The following SPNS3 variants were observed in gnomAD, a reference collection of about 807,000 sequenced individuals.
SPNS3 encodes the protein SPNS lysolipid transporter 3, sphingosine-1-phosphate (putative).
A neutral mutation model predicts 54.4 loss-of-function variants in SPNS3; 51 were observed. The ratio of observed to expected loss-of-function variants is 0.94; its 90% confidence interval spans 0.75 to 1.18. The LOEUF is 1.18. Among genes scored for constraint, SPNS3 ranks in the 50% most tolerant of loss-of-function variants. The pLI is 0.00. For missense variants in SPNS3, 669 were observed against 677.4 expected, an observed-to-expected ratio of 0.99 and a Z score of 0.14; for synonymous variants, 309 against 294.7, an observed-to-expected ratio of 1.05 and a Z score of -0.50.
At chr17:4,470,204 G>A (rs943183903) in intron 8 of SPNS3, among the ~76,000 whole-genome samples, 3 of 152,004 alleles carry the variant, frequency 2.0e-5, no homozygotes, top group Non-Finnish European at 4.4e-5. Flanking sequence ...CGAGGTGGGC[G>A]GATCACTTGA....
At chr17:4,460,318 C>G (rs1185015159) in intron 8 of SPNS3, among the ~76,000 whole-genome samples, 1 of 152,008 alleles carries the variant, frequency 6.6e-6, no homozygotes, top group Non-Finnish European at 1.5e-5. Flanking sequence ...GTCCTTTATT[C>G]AATTTCTACA....
In SPNS3 at chr17:4,469,838, T is replaced by C. The variant is rs898958451; in HGVS notation, c.1114-8734T>C. 3.3e-5 allele frequency among the ~76,000 whole-genome samples: 5 copies of C among 152,092 alleles called. 1 individual carries two copies. The highest frequency in any genetic ancestry group is 1.2e-4 in the African/African-American group (5 of 41,392). ...CAAGGGTGGGACCAACAATTCACTG[T>C]ATCGTGTTGTATCAAATGACTTTTA... On this transcript the variant is annotated intron_variant, in intron 8 of 11. Transcript: ENST00000355530.
chr17:4,444,951 G>C (rs1970942729), intron 2 of SPNS3, 81 bp from the exon 3 acceptor site: 2 of 1,509,504 alleles, frequency 1.3e-6, no homozygotes, highest in Admixed American at 2.0e-5. Context: ...TCTGAGTCAG[G>C]CTCCTTCCCT....
intron 8 of SPNS3, among the ~76,000 whole-genome samples, chr17:4,458,642 T>G (rs1039046460): frequency 7.5e-6 from 1 of 133,546 alleles, no homozygotes; most frequent in African/African-American, 2.9e-5. Context: ...TCTTTCTTTC[T>G]TTCTTTCCTT....
At chr17:4,467,690 A>G (rs1971718937) in intron 8 of SPNS3, among the ~76,000 whole-genome samples, 1 of 152,192 alleles carries the variant, frequency 6.6e-6, no homozygotes, top group Non-Finnish European at 1.5e-5. Context: ...TTTATTTATG[A>G]CAGAATCTCG....
At chr17:4,444,391 A>ATT (rs568469565) in intron 2 of SPNS3, among the ~76,000 whole-genome samples, 3 of 143,308 alleles carry the variant, frequency 2.1e-5, no homozygotes, top group South Asian at 2.3e-4. Flanking sequence ...ATTTTTTTGT[A>ATT]TTTTTTTTTT....
chr17:4,433,958 G>A lies in SPNS3; in HGVS notation c.-10G>A, dbSNP rs1423100671. 2 of 1,516,048 alleles carry A rather than the reference G, an allele frequency of 1.3e-6. No homozygotes were observed. Among genetic ancestry groups the A allele is most frequent in the Admixed American group, 2.2e-5 (1 of 45,964 alleles). 93.9% of individuals were successfully genotyped at this position (1,516,048 alleles called of 1,614,324 possible). On this transcript the variant is annotated 5_prime_UTR_variant, in exon 1 of 12. Coordinates refer to ENST00000355530, the MANE Select transcript of SPNS3 (RefSeq NM_182538.5). Reference sequence around the variant, plus strand: ...TGGCGCCAGTCTCAGGCCAAGAGCTGCAGGCTGGCATGGCTGGGGGGATGT... The same window carrying A: ...TGGCGCCAGTCTCAGGCCAAGAGCTACAGGCTGGCATGGCTGGGGGGATGT...
chr17:4,472,774 C>CATTTTTT (rs1567572187), intron 8 of SPNS3, among the ~76,000 whole-genome samples: 12 of 50,970 alleles, frequency 2.4e-4, no homozygotes, highest in African/African-American at 1.1e-3. Flanking sequence ...GCTTGGCAGC[C>CATTTTTT]TTTTTTTTTT....
chr17:4,463,135 A>C (rs1971581540), intron 8 of SPNS3, among the ~76,000 whole-genome samples: 1 of 152,248 alleles, frequency 6.6e-6, no homozygotes, highest in Non-Finnish European at 1.5e-5. Flanking sequence ...GCAGTGGCTT[A>C]CGCCTGTAAT....
intron 2 of SPNS3, among the ~76,000 whole-genome samples, chr17:4,440,458 G>C (rs1399566943): frequency 6.6e-6 from 1 of 152,176 alleles, no homozygotes; most frequent in African/African-American, 2.4e-5. Context: ...CGGGGTACAG[G>C]GATCCCTGGG....
chr17:4,434,344 G>A (rs1363472642), intron 1 of SPNS3, among the ~76,000 whole-genome samples, 178 bp downstream of exon 1: 1 of 152,146 alleles, frequency 6.6e-6, no homozygotes, highest in African/African-American at 2.4e-5. Context: ...ACCAACTGAT[G>A]TTCCCAATCC....
chr17:4,475,576 G>T (rs920393445), intron 8 of SPNS3, among the ~76,000 whole-genome samples: 5 of 152,234 alleles, frequency 3.3e-5, no homozygotes, highest in Admixed American at 6.5e-5. Flanking sequence ...GAGGGGATCA[G>T]CTCCGGCAGC....
At chr17:4,481,228 G>A (rs1284908514) in intron 9 of SPNS3, among the ~76,000 whole-genome samples, 1 of 151,964 alleles carries the variant, frequency 6.6e-6, no homozygotes, top group Non-Finnish European at 1.5e-5. Flanking sequence ...CAGGAGGAGA[G>A]AGGGGGCCAT....
chr17:4,453,188 A>T lies in SPNS3; in HGVS notation c.1096A>T (p.Thr366Ser), dbSNP rs766754706. 6.2e-7 allele frequency: 1 copy of T among 1,612,754 alleles called. No individual in the cohort carries two copies. Among genetic ancestry groups the T allele is most frequent in the South Asian group, 1.1e-5 (1 of 91,020 alleles). ...LYLALVLAPTTLLASYVFLGL... is the reference protein window; with the variant it reads ...LYLALVLAPTSLLASYVFLGL... ...CCTGGCTCTCGTCCTGGCCCCGACC[A>T]CCCTGCTGGCCTCCTATGTAAGTGA... Residue 366 changes from threonine (T) to serine (S), a missense_variant, in exon 8 of 12, where the codon ACC becomes TCC. Transcript: ENST00000355530.
intron 8 of SPNS3, among the ~76,000 whole-genome samples, chr17:4,477,607 A>G (rs1161385535): frequency 6.6e-6 from 1 of 152,100 alleles, no homozygotes; most frequent in African/African-American, 2.4e-5. Flanking sequence ...GCTTGTAACC[A>G]GAGGACACTG....
At chr17:4,449,174 T>G in intron 6 of SPNS3, 61 bp from the exon 7 acceptor site, 3 of 1,551,980 alleles carry the variant, frequency 1.9e-6, no homozygotes, top group East Asian at 4.7e-5. Context: ...TGGGGAGGAG[T>G]GGACAGGCCC....
At chr17:4,449,756 G>C (rs1477247435) in intron 7 of SPNS3, among the ~76,000 whole-genome samples, 1 of 152,050 alleles carries the variant, frequency 6.6e-6, no homozygotes. Context: ...AGCGTCTTCT[G>C]TGAGGGCATC....
rs1037710796 is a variant in SPNS3, at chr17:4,448,442, G to A, written c.770+139G>A. On this transcript the variant is annotated intron_variant, in intron 6 of 11. Coordinates refer to ENST00000355530, the MANE Select transcript of SPNS3 (RefSeq NM_182538.5). ...ACAGCCCTCCTCTTCCTCTGAGATC[G>A]CACTTACCAACTGAAGTGCCTCTCC... The A allele has an allele frequency of 7.7e-5, 63 of 820,332 alleles. No individual in the cohort carries two copies. In the African/African-American group the frequency reaches 8.8e-4, roughly 11 times the overall value. The allele number at this position is 820,332 out of a possible 1,614,324, so 50.8% of individuals were successfully genotyped here.
intron 2 of SPNS3, among the ~76,000 whole-genome samples, chr17:4,442,492 C>T (rs150105582): frequency 0.11 from 16,097 of 151,454 alleles, 1,010 homozygotes; most frequent in African/African-American, 0.18. Flanking sequence ...GAGATCGTGC[C>T]ACTGCACTCC....
Sources: allele counts gnomAD v4.1 joint callset (sites outside exome capture counted in the v4.1 genomes callset), GRCh38; gene constraint gnomAD v4.1.1; transcripts MANE v1.5; gene names NCBI Gene and HGNC (gene_info 2026-07-23, HGNC 2026-07-21).